Variants in KLHL13 observed in about 807,000 individuals in gnomAD.
KLHL13 encodes kelch-like protein 13.
In KLHL13, 10 loss-of-function variants were observed where a neutral mutation model predicts 37.1. That is an observed-to-expected ratio of 0.27 (90% CI 0.17 to 0.46). The LOEUF (loss-of-function observed/expected upper bound fraction) is 0.46, where lower values mean the gene tolerates loss of function less well. Among genes scored for constraint, KLHL13 ranks in the 20% least tolerant of loss-of-function variants. The pLI, the probability that KLHL13 is intolerant of heterozygous loss-of-function variation, is 1.00. For synonymous variants in KLHL13, 163 were observed against 181.2 expected (o/e 0.90, Z 0.81); for missense variants, 360 against 509.3 (o/e 0.71, Z 2.82).
intron 1 of KLHL13, among the ~76,000 whole-genome samples, chrX:118,081,204 G>T (rs1049086304): frequency 5.4e-5 from 6 of 111,328 alleles, no homozygotes; most frequent in Non-Finnish European, 9.4e-5. Flanking sequence ...TAACAAACCT[G>T]CATATGTGTA....
chrX:117,900,291 T>C (rs1178370304), intron 6 of KLHL13, among the ~76,000 whole-genome samples: 1 of 112,401 alleles, frequency 8.9e-6, no homozygotes, highest in Non-Finnish European at 1.9e-5. Context: ...CCTTCTGCTT[T>C]TTAAAAATAT....
chrX:117,906,707 G>A (rs915161632), intron 5 of KLHL13, among the ~76,000 whole-genome samples: 1 of 111,234 alleles, frequency 9.0e-6, no homozygotes, highest in Non-Finnish European at 1.9e-5. Flanking sequence ...TACAGAATGC[G>A]TTTGATGGGT....
At chrX:118,093,337 C>T (rs915641019) in intron 1 of KLHL13, among the ~76,000 whole-genome samples, 15 of 111,848 alleles carry the variant, frequency 1.3e-4, no homozygotes. Context: ...TTAACACTCA[C>T]ATACACTACT....
intron 1 of KLHL13, among the ~76,000 whole-genome samples, chrX:117,964,270 C>T (rs2053370417): frequency 8.9e-6 from 1 of 111,997 alleles, no homozygotes. Flanking sequence ...CAGTTCAAGT[C>T]TCCTCATTTA....
At chrX:118,021,786 G>A (rs947731322) in intron 1 of KLHL13, among the ~76,000 whole-genome samples, 1 of 111,375 alleles carries the variant, frequency 9.0e-6, no homozygotes, top group African/African-American at 3.3e-5. Flanking sequence ...TGGCATTTCT[G>A]GTTCTAGATC....
At chrX:118,080,838 T>C (rs1311057809) in intron 1 of KLHL13, among the ~76,000 whole-genome samples, 4 of 111,858 alleles carry the variant, frequency 3.6e-5, no homozygotes, top group Non-Finnish European at 7.5e-5. Flanking sequence ...CTATTCATAA[T>C]AGCAAAGACA....
chrX:118,032,417 A>G (rs1387710068), intron 1 of KLHL13, among the ~76,000 whole-genome samples: 1 of 111,960 alleles, frequency 8.9e-6, no homozygotes. Flanking sequence ...CTGCCTCTTC[A>G]AGTGGGTCCC....
intron 1 of KLHL13, among the ~76,000 whole-genome samples, chrX:118,028,785 T>G (rs888221287): frequency 3.6e-5 from 4 of 112,066 alleles, no homozygotes; most frequent in African/African-American, 1.3e-4. Context: ...AGCAACCAAG[T>G]GGAGTAGTCC....
upstream of KLHL13, chrX:118,116,914 C>G (rs1471570390): frequency 1.1e-5 from 1 of 91,861 alleles, no homozygotes; most frequent in Non-Finnish European, 2.1e-5. Context: ...GGGGTGGCCC[C>G]GGCGGCGCCT....
intron 1 of KLHL13, among the ~76,000 whole-genome samples, chrX:117,992,556 C>T (rs1302068688): frequency 9.1e-6 from 1 of 110,331 alleles, no homozygotes; most frequent in East Asian, 2.8e-4. Context: ...TACACACACC[C>T]TAATTAGACT....
At chrX:118,062,144 T>C (rs773076067) in intron 1 of KLHL13, among the ~76,000 whole-genome samples, 64 of 111,317 alleles carry the variant, frequency 5.7e-4, no homozygotes, top group Non-Finnish European at 9.3e-4. Context: ...TATTTCAAAA[T>C]AGGAAATATG....
chrX:117,985,204 A>C, intron 1 of KLHL13: 1 of 1,007,170 alleles, frequency 9.9e-7, no homozygotes, highest in African/African-American at 1.9e-5. Flanking sequence ...ATGAGTAAGT[A>C]ACAGCAGTAA....
intron 1 of KLHL13, among the ~76,000 whole-genome samples, chrX:117,978,938 T>TA (rs1195953845): frequency 1.3e-4 from 14 of 110,721 alleles, no homozygotes; most frequent in African/African-American, 4.6e-4. Context: ...TATTTTATTT[T>TA]TTTTATTTTT....
intron 1 of KLHL13, among the ~76,000 whole-genome samples, chrX:118,045,564 G>A (rs2054551432): frequency 9.0e-6 from 1 of 110,694 alleles, no homozygotes; most frequent in East Asian, 2.8e-4. Flanking sequence ...AGCACTTTGG[G>A]AGGCTGAGGC....
rs1173911838 is a variant in KLHL13, at chrX:117,994,527, C to T, written c.-55-48952G>A. 2.7e-5 allele frequency among the ~76,000 whole-genome samples: 3 copies of T among 111,430 alleles called. No individual in the cohort carries two copies. The East Asian group carries it at 8.6e-4, about 32-fold the overall frequency. On this transcript the variant is annotated intron_variant, in intron 1 of 6. Transcript: ENST00000371882. ...TCGGTTTCCCAAAGTGCTGGGATTA[C>T]AGGCATGAGCCACTACACCCAGAAG...
chrX:117,951,054 G>A (rs1039895122), intron 1 of KLHL13, among the ~76,000 whole-genome samples: 17 of 111,786 alleles, frequency 1.5e-4, no homozygotes, highest in Admixed American at 1.2e-3. Flanking sequence ...CATTGAATTC[G>A]AAAGATATTA....
chrX:118,053,798 T>G (rs79427241), intron 1 of KLHL13, among the ~76,000 whole-genome samples: 8 of 25,532 alleles, frequency 3.1e-4, no homozygotes, highest in African/African-American at 6.9e-4. Flanking sequence ...TGTGTGTGTG[T>G]GAGAGAGAGA....
intron 1 of KLHL13, among the ~76,000 whole-genome samples, chrX:118,035,550 T>G (rs2054427465): frequency 2.8e-5 from 3 of 108,751 alleles, no homozygotes; most frequent in East Asian, 2.8e-4. Context: ...CAACCCTTCA[T>G]GCTAAAAACT....
chrX:118,022,557 G>C (rs181607012), intron 1 of KLHL13, among the ~76,000 whole-genome samples: 1 of 111,835 alleles, frequency 8.9e-6, no homozygotes, highest in African/African-American at 3.2e-5. Flanking sequence ...ATATCTCATC[G>C]TGGTTTTCAT....
Sources: allele counts gnomAD v4.1 joint callset (sites outside exome capture counted in the v4.1 genomes callset), GRCh38; gene constraint gnomAD v4.1.1; transcripts MANE v1.5; gene names NCBI Gene and HGNC (gene_info 2026-07-23, HGNC 2026-07-21).